GNA13: variants seen among roughly 807,000 people sequenced by gnomAD.
The protein encoded by GNA13 is G protein subunit alpha 13.
In GNA13, 4 loss-of-function variants were observed where a neutral mutation model predicts 33.5. That is an observed-to-expected ratio of 0.12 (90% CI 0.06 to 0.27). The LOEUF is 0.27. Ranked by LOEUF, GNA13 falls within the 10% of genes least tolerant of loss-of-function variation. GNA13 has a pLI of 1.00. For missense variants in GNA13, 319 were observed against 487.2 expected (o/e 0.65, Z 3.25); for synonymous variants, 176 against 183.8 (o/e 0.96, Z 0.34).
intron 2 of GNA13, among the ~76,000 whole-genome samples, chr17:65,040,359 A>C (rs999480595): frequency 2.6e-5 from 4 of 152,252 alleles, no homozygotes; most frequent in Non-Finnish European, 5.9e-5. Flanking sequence ...ATAGTTTAAC[A>C]GTAAATGTGG....
At chr17:65,029,125 C>T (rs189817483) in intron 2 of GNA13, among the ~76,000 whole-genome samples, 16 of 152,250 alleles carry the variant, frequency 1.1e-4, no homozygotes, top group African/African-American at 3.9e-4. Context: ...CAAGAACTAC[C>T]TAAAACAGGA....
At position 65,040,410 on chromosome 17, in the gene GNA13, T is replaced by C. The variant is rs1299570775; in HGVS notation, c.510+13092A>G. On this transcript the variant is annotated intron_variant, in intron 2 of 3. Coordinates refer to ENST00000439174, the MANE Select transcript of GNA13 (RefSeq NM_006572.6). ...TAAAAATAGCAAATCATTTGTATTA[T>C]AATATTTTTAACTGAATTGGATAAA... is the stretch of plus-strand genomic sequence containing the variant. 2.0e-5 allele frequency among the ~76,000 whole-genome samples: 3 copies of C among 152,250 alleles called. No individual in the cohort carries two copies. In the East Asian group the frequency reaches 5.8e-4, roughly 29 times the overall value.
chr17:65,044,669 T>C (rs941535533), intron 2 of GNA13, among the ~76,000 whole-genome samples: 2 of 151,052 alleles, frequency 1.3e-5, no homozygotes, highest in Non-Finnish European at 2.9e-5. Flanking sequence ...AGAAAAAACT[T>C]TGTGAGAAAT....
rs943310540 is a variant in GNA13, at chr17:65,011,592, CT to C, written c.*2664del. On this transcript the variant is annotated 3_prime_UTR_variant, in exon 4 of 4. Transcript: ENST00000439174. ...TTATAAGGCAACTGTATATACATTTCTTCAAGGTCAATGAAGACACTTGTGT... is the reference window on the plus strand; with the variant it reads ...TTATAAGGCAACTGTATATACATTTCTCAAGGTCAATGAAGACACTTGTGT... 1 of 214,408 alleles carries C rather than the reference CT, an allele frequency of 4.7e-6. No individual in the cohort carries two copies. The highest frequency in any genetic ancestry group is 2.3e-5 in the African/African-American group (1 of 44,272). The allele number at this position is 214,408 out of a possible 1,614,324, so 13.3% of individuals were successfully genotyped here.
At chr17:65,055,876 G>T (rs1908033264) in intron 1 of GNA13, 1 of 427,002 alleles carries the variant, frequency 2.3e-6, no homozygotes, top group African/African-American at 2.1e-5. Context: ...CCAGGGTAGC[G>T]AGGTTCGGCC....
intron 2 of GNA13, among the ~76,000 whole-genome samples, chr17:65,044,367 T>C (rs181393016): frequency 4.6e-5 from 7 of 152,290 alleles, no homozygotes; most frequent in East Asian, 1.9e-4. Context: ...GTAAACAAGA[T>C]AGGTTCACAA....
chr17:65,039,334 C>T (rs536673460), intron 2 of GNA13, among the ~76,000 whole-genome samples: 1 of 152,288 alleles, frequency 6.6e-6, no homozygotes, highest in South Asian at 2.1e-4. Flanking sequence ...GGTGCAAAGG[C>T]TCTCCCTCAC....
intron 2 of GNA13, among the ~76,000 whole-genome samples, chr17:65,030,803 A>G (rs1286029551): frequency 6.6e-6 from 1 of 152,226 alleles, no homozygotes; most frequent in Non-Finnish European, 1.5e-5. Context: ...TTTTGAGCCC[A>G]GGAGTTCAAG....
At chr17:65,045,507 C>CAAAAA (rs369520601) in intron 2 of GNA13, among the ~76,000 whole-genome samples, 1 of 86,946 alleles carries the variant, frequency 1.2e-5, no homozygotes, top group Non-Finnish European at 2.1e-5. Flanking sequence ...GACTCTGTCT[C>CAAAAA]AAAAAAAAAA....
At chr17:65,022,379 C>T (rs577790022) in intron 2 of GNA13, among the ~76,000 whole-genome samples, 1 of 150,424 alleles carries the variant, frequency 6.6e-6, no homozygotes, top group East Asian at 1.9e-4. Context: ...CAAGTGTCAC[C>T]AGTATTGCCA....
intron 2 of GNA13, among the ~76,000 whole-genome samples, chr17:65,037,601 C>T (rs1238458476): frequency 6.6e-6 from 1 of 151,922 alleles, no homozygotes; most frequent in Non-Finnish European, 1.5e-5. Context: ...GGATCTCCTC[C>T]TCTGAACATT....
chr17:65,056,089 C>A (rs937323164), intron 1 of GNA13, among the ~76,000 whole-genome samples: 2 of 151,756 alleles, frequency 1.3e-5, no homozygotes, highest in African/African-American at 4.8e-5. Context: ...GGGAGACAAG[C>A]GGGAGAGCAG....
rs748518135 is a variant in GNA13 at position 65,014,230 on chromosome 17, A to G, written c.*27T>C. 7.7e-7 allele frequency: 1 copy of G among 1,295,052 alleles called. No individual in the cohort carries two copies. Among genetic ancestry groups the G allele is most frequent in the Non-Finnish European group, 1.1e-6 (1 of 909,788 alleles). 80.2% of individuals were successfully genotyped at this position (1,295,052 alleles called of 1,614,324 possible). On this transcript the variant is annotated 3_prime_UTR_variant, in exon 4 of 4. Transcript: ENST00000439174. This position sits in a 1 kb window ranked among gnomAD's most constrained non-coding sequence, Gnocchi z 5.3. The stretch of plus-strand genomic sequence containing the variant: ...CAGAAAACATCAAAAACACAAAAAG[A>G]TATTAAAACAGCAAGTCTTTTGTAC...
rs1015969727 is a variant in GNA13 at position 65,045,151 on chromosome 17, C to T, written c.510+8351G>A. On this transcript the variant is annotated intron_variant, in intron 2 of 3. Transcript: ENST00000439174. Reference sequence around the variant, plus strand: ...TAGAAGACAGGCACTAAAGATGGCACTGTCCTAGAAAAATGTTGGCAATCT... The same window carrying T: ...TAGAAGACAGGCACTAAAGATGGCATTGTCCTAGAAAAATGTTGGCAATCT... Among the ~76,000 whole-genome samples, 3 of 152,174 alleles carry T rather than the reference C, an allele frequency of 2.0e-5. No individual in the cohort carries two copies. The East Asian group carries it at 5.8e-4, about 29-fold the overall frequency.
At position 65,056,355 on chromosome 17, in the gene GNA13, G is replaced by C; in HGVS notation, c.239C>G (p.Ala80Gly). 1 of 1,610,002 alleles carries C rather than the reference G, an allele frequency of 6.2e-7. No individual in the cohort carries two copies. The highest frequency in any genetic ancestry group is 8.5e-7 in the Non-Finnish European group (1 of 1,178,134). Reference protein sequence around the residue: ...IIHGQDFDQRAREEFRPTIYS... With the variant: ...IIHGQDFDQRGREEFRPTIYS... ...GATGGTGGGGCGGAACTCCTCGCGC[G>C]CGCGCTGGTCGAAGTCCTGCCCGTG... Residue 80 changes from alanine (A) to glycine (G), a missense_variant, in exon 1 of 4, where the codon GCG becomes GGG. Physicochemically the swap from Ala to Gly is moderately conservative, Grantham distance 60 (BLOSUM62 0). Transcript: ENST00000439174.
At chr17:65,030,414 ATTAAT>A (rs1906959241) in intron 2 of GNA13, among the ~76,000 whole-genome samples, 1 of 152,268 alleles carries the variant, frequency 6.6e-6, no homozygotes, top group African/African-American at 2.4e-5. Flanking sequence ...TGTTCTAATG[ATTAAT>A]ACCGGAAATC....
intron 2 of GNA13, among the ~76,000 whole-genome samples, chr17:65,020,451 T>G (rs1320556558): frequency 6.6e-6 from 1 of 152,210 alleles, no homozygotes; most frequent in East Asian, 1.9e-4. Context: ...TAAGTTCTCC[T>G]TTCCTCATAG....
chr17:65,030,096 C>T (rs893219315), intron 2 of GNA13, among the ~76,000 whole-genome samples: 6 of 152,132 alleles, frequency 3.9e-5, no homozygotes, highest in Non-Finnish European at 7.3e-5. Context: ...TAAGTAACCA[C>T]TCAGTGTTAA....
Position 65,014,307 on chromosome 17 carries a change from C to T in GNA13, c.1084G>A (p.Val362Met), listed in dbSNP as rs1906288237. The change falls in exon 4 of 4, where the codon GTG becomes ATG. Residue 362 changes from valine (V) to methionine (M), a missense_variant. Coordinates refer to ENST00000439174, the MANE Select transcript of GNA13 (RefSeq NM_006572.6). The surrounding 1 kb of genome is among the most constrained non-coding windows in gnomAD (Gnocchi z 5.3). ...TTGTCATGCAGAATAGTATCCTTCA[C>T]GTCACGGAAAACAAGGCGGATGTTC... ...TENIRLVFRD[V>M]KDTILHDNLK... 6.2e-7 allele frequency: 1 copy of T among 1,613,716 alleles called. No individual in the cohort carries two copies. Among genetic ancestry groups the T allele is most frequent in the Non-Finnish European group, 8.5e-7 (1 of 1,179,596 alleles).
Sources: gnomAD v4.1 joint callset for allele counts (sites outside exome capture counted in the v4.1 genomes callset) on GRCh38, gnomAD v4.1.1 for gene constraint, Gnocchi (gnomAD v3.1) non-coding constraint, MANE v1.5 for transcripts, NCBI Gene and HGNC (gene_info 2026-07-23, HGNC 2026-07-21) for gene names.